The following CDH2 variants were observed in gnomAD, a reference collection of about 807,000 sequenced individuals.
The protein encoded by CDH2 is cadherin-2.
Under a neutral mutation model 92.0 loss-of-function variants are expected in CDH2, and 17 were observed. That is an observed-to-expected ratio of 0.18 (90% CI 0.13 to 0.28). CDH2 has a LOEUF of 0.28. Ranked by LOEUF, CDH2 falls within the 10% of genes least tolerant of loss-of-function variation. CDH2 has a pLI of 1.00. For synonymous variants in CDH2, 419 were observed against 415.9 expected (o/e 1.01, Z -0.09); for missense variants, 862 against 1,133.1 (o/e 0.76, Z 3.44).
chr18:27,960,758 T>G (rs2011381153), intron 15 of CDH2, among the ~76,000 whole-genome samples: 2 of 152,220 alleles, frequency 1.3e-5, no homozygotes, highest in Non-Finnish European at 2.9e-5. Flanking sequence ...TTTTCACATA[T>G]GCAGATAATC....
intron 2 of CDH2, among the ~76,000 whole-genome samples, chr18:28,123,693 T>C (rs112820453): frequency 1.2e-3 from 185 of 152,274 alleles, no homozygotes; most frequent in African/African-American, 3.8e-3. Context: ...TGGAAGGGAA[T>C]TGAAGCACAG....
At chr18:28,016,022 T>C (rs184732273) in intron 2 of CDH2, among the ~76,000 whole-genome samples, 207 of 152,286 alleles carry the variant, frequency 1.4e-3, no homozygotes, top group African/African-American at 4.5e-3. Flanking sequence ...CCATTTTCCA[T>C]ACCAAAGCCC....
intron 1 of CDH2, among the ~76,000 whole-genome samples, chr18:28,173,205 C>G (rs2016489833): frequency 6.6e-6 from 1 of 152,034 alleles, no homozygotes; most frequent in Non-Finnish European, 1.5e-5. Context: ...TCAGAAAGTA[C>G]CTATGGTTTA....
chr18:28,063,606 C>G (rs925251653), intron 2 of CDH2, among the ~76,000 whole-genome samples: 30 of 152,206 alleles, frequency 2.0e-4, no homozygotes, highest in African/African-American at 7.2e-4. Flanking sequence ...CTCCCTTTCT[C>G]ATCAACATGC....
intron 2 of CDH2, among the ~76,000 whole-genome samples, chr18:28,046,855 A>G (rs2014086895): frequency 6.6e-6 from 1 of 152,194 alleles, no homozygotes; most frequent in African/African-American, 2.4e-5. Context: ...CTGATGTTCA[A>G]TTGGAGTAAT....
intron 2 of CDH2, among the ~76,000 whole-genome samples, chr18:28,068,680 C>A (rs1258873797): frequency 6.6e-6 from 1 of 152,156 alleles, no homozygotes; most frequent in African/African-American, 2.4e-5. Context: ...ATAACATTAG[C>A]AACCATCACG....
chr18:28,094,554 G>C (rs760590308), intron 2 of CDH2, among the ~76,000 whole-genome samples: 1 of 151,816 alleles, frequency 6.6e-6, no homozygotes, highest in African/African-American at 2.4e-5. Flanking sequence ...CAGCACTTTA[G>C]GAGGCTGAGG....
chr18:28,158,452 T>C (rs1185223207), intron 1 of CDH2, among the ~76,000 whole-genome samples: 1 of 152,166 alleles, frequency 6.6e-6, no homozygotes, highest in Non-Finnish European at 1.5e-5. Flanking sequence ...ATATCTTGGG[T>C]GACTGATGTT....
At chr18:28,057,802 A>G (rs1249860233) in intron 2 of CDH2, among the ~76,000 whole-genome samples, 1 of 152,216 alleles carries the variant, frequency 6.6e-6, no homozygotes, top group South Asian at 2.1e-4. Flanking sequence ...AGAGGATATA[A>G]ATCCAGTATT....
At chr18:28,098,656 G>T (rs1434183085) in intron 2 of CDH2, among the ~76,000 whole-genome samples, 1 of 151,852 alleles carries the variant, frequency 6.6e-6, no homozygotes, top group Non-Finnish European at 1.5e-5. Flanking sequence ...CCTACACATG[G>T]GGGCCATTTT....
chr18:27,968,427 G>A lies in CDH2; in HGVS notation c.2350-4906C>T, dbSNP rs529130803. Reference sequence around the variant, plus strand: ...GGGGTTTGAAGTGCTGGAGGGGGGAGTTTAAGATGGTTCCACTAATCAGTC... The same window carrying A: ...GGGGTTTGAAGTGCTGGAGGGGGGAATTTAAGATGGTTCCACTAATCAGTC... On this transcript the variant is annotated intron_variant, in intron 14 of 15. Coordinates refer to ENST00000269141, the MANE Select transcript of CDH2 (RefSeq NM_001792.5). Among the ~76,000 whole-genome samples the A allele has an allele frequency of 1.6e-4, 25 of 152,346 alleles. 1 individual carries two copies. The highest frequency in any genetic ancestry group is 5.8e-4 in the African/African-American group (24 of 41,584).
chr18:27,970,060 A>T (rs2011619709), intron 14 of CDH2, among the ~76,000 whole-genome samples: 1 of 152,184 alleles, frequency 6.6e-6, no homozygotes, highest in South Asian at 2.1e-4. Flanking sequence ...GTTACAAAAA[A>T]TACGGAAAGT....
At chr18:28,122,587 C>T (rs2015609935) in intron 2 of CDH2, among the ~76,000 whole-genome samples, 1 of 151,998 alleles carries the variant, frequency 6.6e-6, no homozygotes, top group Admixed American at 6.6e-5. Flanking sequence ...AAATTCCTTC[C>T]AAGTCTAGAA....
intron 2 of CDH2, among the ~76,000 whole-genome samples, chr18:28,114,998 C>T (rs1231476543): frequency 6.6e-6 from 1 of 152,102 alleles, no homozygotes. Flanking sequence ...TTTTCTTGCC[C>T]AGTCCAGCTA....
chr18:27,985,149 T>C lies in CDH2; in HGVS notation c.2060A>G (p.Asn687Ser), dbSNP rs377497277. The C allele has an allele frequency of 6.2e-7, 1 of 1,613,010 alleles. No individual in the cohort carries two copies. Among genetic ancestry groups the C allele is most frequent in the Non-Finnish European group, 8.5e-7 (1 of 1,179,128 alleles). The change falls in exon 13 of 16, where the codon AAT (asparagine) becomes AGT (serine). Residue 687 changes from asparagine to serine, a missense_variant. Transcript: ENST00000269141. ...EVPIIITDSGNPPKSNISILR... is the reference protein window; with the variant it reads ...EVPIIITDSGSPPKSNISILR... ...GATGGAAATATTTGATTTGGGAGGA[T>C]TACCCGAATCTGTGATTATGATGGG...
At chr18:27,989,109 T>C (rs2012329257) in intron 10 of CDH2, among the ~76,000 whole-genome samples, 3 of 152,206 alleles carry the variant, frequency 2.0e-5, no homozygotes, top group Admixed American at 2.0e-4. Flanking sequence ...ATTTTAACAC[T>C]TTATCATGGC....
At chr18:27,945,577 A>C (rs1422414549) in intron 6 of CDH2, among the ~76,000 whole-genome samples, 1 of 152,104 alleles carries the variant, frequency 6.6e-6, no homozygotes, top group African/African-American at 2.4e-5. Flanking sequence ...AAATCAAAAC[A>C]TAAAGCTACA....
At chr18:28,021,171 T>C (rs1439029983) in intron 2 of CDH2, among the ~76,000 whole-genome samples, 1 of 151,952 alleles carries the variant, frequency 6.6e-6, no homozygotes, top group Non-Finnish European at 1.5e-5. Flanking sequence ...ATCCTAAGTA[T>C]GAATATACTG....
chr18:27,935,670 T>C (rs1909001295), intron 6 of CDH2, among the ~76,000 whole-genome samples: 2 of 151,332 alleles, frequency 1.3e-5, no homozygotes, highest in Admixed American at 6.6e-5. Context: ...ATCTCTACAT[T>C]AGACCAGAAA....
Sources: allele counts gnomAD v4.1 joint callset (sites outside exome capture counted in the v4.1 genomes callset), GRCh38; gene constraint gnomAD v4.1.1; transcripts MANE v1.5; gene names NCBI Gene and HGNC (gene_info 2026-07-23, HGNC 2026-07-21).